The following EXT1 variants were observed in gnomAD, a reference collection of about 807,000 sequenced individuals.
The protein encoded by EXT1 is exostosin-1.
EXT1 carries 20 observed loss-of-function variants against 82.5 expected under a neutral mutation model. That is an observed-to-expected ratio of 0.24 (90% CI 0.17 to 0.35). The LOEUF is 0.35. Ranked by LOEUF, EXT1 falls within the 10% of genes least tolerant of loss-of-function variation. The pLI is 1.00. For synonymous variants in EXT1, 348 were observed against 350.8 expected, an observed-to-expected ratio of 0.99 and a Z score of 0.09; for missense variants, 757 against 936.5, an observed-to-expected ratio of 0.81 and a Z score of 2.50.
intron 1 of EXT1, among the ~76,000 whole-genome samples, chr8:117,879,422 C>A (rs1277266693): frequency 6.6e-6 from 1 of 151,438 alleles, no homozygotes; most frequent in Non-Finnish European, 1.5e-5. Context: ...TTTTCCCCCT[C>A]AATCATTCCT....
intron 1 of EXT1, among the ~76,000 whole-genome samples, chr8:117,959,752 G>A (rs754931425): frequency 1.6e-4 from 25 of 152,140 alleles, no homozygotes; most frequent in African/African-American, 2.2e-4. Context: ...ACTTGAGCCC[G>A]GTGTCAGCAT....
chr8:117,952,780 C>T (rs1056730752), intron 1 of EXT1, among the ~76,000 whole-genome samples: 28 of 151,738 alleles, frequency 1.8e-4, no homozygotes, highest in African/African-American at 6.3e-4. Context: ...GATGAGAAGG[C>T]ATTTCATAAT....
At chr8:117,955,635 AACCTCC>A (rs1814571571) in intron 1 of EXT1, among the ~76,000 whole-genome samples, 2 of 151,856 alleles carry the variant, frequency 1.3e-5, no homozygotes, top group African/African-American at 4.8e-5. Context: ...AGCTCACTGC[AACCTCC>A]ACCTCCCGGG....
intron 1 of EXT1, among the ~76,000 whole-genome samples, chr8:117,931,677 A>G (rs1814064530): frequency 6.6e-6 from 1 of 152,242 alleles, no homozygotes; most frequent in African/African-American, 2.4e-5. Flanking sequence ...TATGCTTCCA[A>G]AGATGTCTGT....
chr8:117,893,878 G>A (rs927048958), intron 1 of EXT1, among the ~76,000 whole-genome samples: 1 of 152,164 alleles, frequency 6.6e-6, no homozygotes, highest in Non-Finnish European at 1.5e-5. Context: ...TACATCACTT[G>A]AGAAAGAATC....
At chr8:117,890,333 T>G (rs755118720) in intron 1 of EXT1, among the ~76,000 whole-genome samples, 1 of 152,200 alleles carries the variant, frequency 6.6e-6, no homozygotes, top group Non-Finnish European at 1.5e-5. Flanking sequence ...CTTCTAGAGA[T>G]ATTTTCAGTT....
intron 1 of EXT1, among the ~76,000 whole-genome samples, chr8:117,906,320 C>G (rs1813543585): frequency 6.6e-6 from 1 of 152,190 alleles, no homozygotes; most frequent in African/African-American, 2.4e-5. Context: ...CTCTACCCAA[C>G]TAGTTTCATG....
chr8:118,049,723 G>A (rs1320458856), intron 1 of EXT1, among the ~76,000 whole-genome samples: 1 of 152,198 alleles, frequency 6.6e-6, no homozygotes, highest in African/African-American at 2.4e-5. Flanking sequence ...TCTTCACGCA[G>A]GGAAGCTTTT....
intron 3 of EXT1, among the ~76,000 whole-genome samples, chr8:117,832,417 G>T (rs1022288906): frequency 6.6e-6 from 1 of 151,956 alleles, no homozygotes; most frequent in Non-Finnish European, 1.5e-5. Context: ...CCAGCTACTC[G>T]GAAGGCTGAG....
At chr8:117,915,163 T>C (rs540806416) in intron 1 of EXT1, among the ~76,000 whole-genome samples, 4 of 152,324 alleles carry the variant, frequency 2.6e-5, no homozygotes, top group African/African-American at 2.4e-5. Context: ...TTTTGGAAGA[T>C]AGAAAGAATC....
Position 117,830,289 on chromosome 8 carries a change from G to T in EXT1, c.1225C>A (p.Gln409Lys), listed in dbSNP as rs755694640. 11 of 1,614,036 alleles carry T rather than the reference G, an allele frequency of 6.8e-6. No homozygotes were observed. In the South Asian group the frequency reaches 1.1e-4, roughly 16 times the overall value. Reference protein sequence around the residue: ...DKILALRQQTQFLWEAYFSSV... With the variant: ...DKILALRQQTKFLWEAYFSSV... ...GAAAAATAAGCCTCCCACAAGAATT[G>T]TGTCTGCTGTCTAAGTGCTAGGATT... The change falls in exon 4 of 11, where the codon CAA (glutamine) becomes AAA (lysine). Residue 409 changes from glutamine to lysine, a missense_variant. Physicochemically the swap from Gln to Lys is moderately conservative, Grantham distance 53. Transcript: ENST00000378204.
At position 117,957,576 on chromosome 8, in the gene EXT1, C is replaced by T. The variant is rs527792453; in HGVS notation, c.963-120375G>A. 1.3e-4 allele frequency among the ~76,000 whole-genome samples: 20 copies of T among 152,324 alleles called. No individual in the cohort carries two copies. The South Asian group carries it at 3.9e-3, about 30-fold the overall frequency. On this transcript the variant is annotated intron_variant, in intron 1 of 10. Coordinates refer to ENST00000378204, the MANE Select transcript of EXT1 (RefSeq NM_000127.3). Reference sequence around the variant, plus strand: ...TAATCACTTTCACTCACTGGACCTCCGTTTCCTCACATAGAAGATCAGAGG... The same window carrying T: ...TAATCACTTTCACTCACTGGACCTCTGTTTCCTCACATAGAAGATCAGAGG...
intron 1 of EXT1, among the ~76,000 whole-genome samples, chr8:117,902,013 A>ATT (rs56712360): frequency 2.8e-5 from 4 of 141,172 alleles, no homozygotes; most frequent in African/African-American, 7.8e-5. Context: ...ACTTTTTTCT[A>ATT]TTTTTTTTTT....
intron 1 of EXT1, among the ~76,000 whole-genome samples, chr8:118,023,866 C>T (rs1816154418): frequency 1.3e-5 from 2 of 152,244 alleles, no homozygotes; most frequent in Admixed American, 6.5e-5. Context: ...CCAGAATTAG[C>T]AATGCCATTT....
chr8:117,858,348 G>A (rs889097208), intron 1 of EXT1, among the ~76,000 whole-genome samples: 4 of 152,106 alleles, frequency 2.6e-5, no homozygotes, highest in Admixed American at 6.6e-5. Context: ...AGAGTCAATC[G>A]TTGCGGCAAA....
chr8:117,820,124 T>C (rs1465797627), intron 5 of EXT1, among the ~76,000 whole-genome samples: 2 of 152,200 alleles, frequency 1.3e-5, no homozygotes, highest in African/African-American at 4.8e-5. Flanking sequence ...TCACCACCCT[T>C]CATGTGCTGT....
At chr8:117,843,215 T>C (rs967348232) in intron 1 of EXT1, among the ~76,000 whole-genome samples, 4 of 152,214 alleles carry the variant, frequency 2.6e-5, no homozygotes, top group Admixed American at 1.3e-4. Flanking sequence ...TTGCGCCTTT[T>C]TCATTCATTC....
Position 117,799,283 on chromosome 8 carries a change from G to A in EXT1, c.*429C>T. The A allele has an allele frequency of 5.0e-6, 1 of 199,626 alleles. No homozygotes were observed. The highest frequency in any genetic ancestry group is 1.1e-5 in the Non-Finnish European group (1 of 95,048). The allele number at this position is 199,626 out of a possible 1,614,324, so 12.4% of individuals were successfully genotyped here. On this transcript the variant is annotated 3_prime_UTR_variant, in exon 11 of 11. Coordinates refer to ENST00000378204, the MANE Select transcript of EXT1 (RefSeq NM_000127.3). ...CCACGAAGTTTGAGCTTTTGAAACT[G>A]CAGGGCACCCTACATGGCCATGACA...
intron 1 of EXT1, among the ~76,000 whole-genome samples, chr8:118,081,381 T>G (rs1206181832): frequency 6.6e-6 from 1 of 152,232 alleles, no homozygotes; most frequent in East Asian, 1.9e-4. Context: ...ACAATTTCTC[T>G]CTTTGTTTTA....
Sources: gnomAD v4.1 joint callset for allele counts (sites outside exome capture counted in the v4.1 genomes callset) on GRCh38, gnomAD v4.1.1 for gene constraint, MANE v1.5 for transcripts, NCBI Gene and HGNC (gene_info 2026-07-23, HGNC 2026-07-21) for gene names.